SLC25A17: variants seen among roughly 807,000 people sequenced by gnomAD.
SLC25A17 encodes the protein solute carrier family 25 member 17, also known as peroxisomal membrane protein PMP34.
In SLC25A17, 26 loss-of-function variants were observed where a neutral mutation model predicts 38.5. The ratio of observed to expected loss-of-function variants is 0.68; its 90% CI spans 0.50 to 0.94. The LOEUF (loss-of-function observed/expected upper bound fraction) is 0.94. Ranked by LOEUF, SLC25A17 falls within the 40% of genes least tolerant of loss-of-function variation. SLC25A17 has a pLI of 0.00. For synonymous variants in SLC25A17, 139 were observed against 136.2 expected (o/e 1.02, Z -0.14); for missense variants, 333 against 372.7 (o/e 0.89, Z 0.88).
At chr22:40,779,432 G>A in intron 4 of SLC25A17, 1 of 595,782 alleles carries the variant, frequency 1.7e-6, no homozygotes, top group Non-Finnish European at 2.8e-6. Flanking sequence ...TAGCAATTTT[G>A]ATATAGCTTT....
chr22:40,815,034 T>A (rs2057625178), intron 1 of SLC25A17, among the ~76,000 whole-genome samples: 1 of 151,924 alleles, frequency 6.6e-6, no homozygotes, highest in African/African-American at 2.4e-5. Context: ...TTAGTCAGGA[T>A]GGTCTCGATC....
intron 2 of SLC25A17, chr22:40,798,198 T>C (rs1347309493): frequency 6.6e-6 from 1 of 152,368 alleles, no homozygotes; most frequent in African/African-American, 2.4e-5. Context: ...GCTGTTGATA[T>C]GGTCTTGATC....
rs2057172779 is a variant in SLC25A17 at position 40,770,720 on chromosome 22, A to T, written c.*114T>A. 8.7e-7 allele frequency: 1 copy of T among 1,148,868 alleles called. No homozygotes were observed. The highest frequency in any genetic ancestry group is 2.6e-5 in the East Asian group (1 of 39,194). The allele number at this position is 1,148,868 out of a possible 1,614,324, so 71.2% of individuals were successfully genotyped here. A position where few individuals can be genotyped will look rare whatever the true frequency, so the allele number is the denominator to read the frequency against. ...TGCACCCTTGGATGCTTTTCAAGCC[A>T]ATGAGGGTAACATTTGTGGTGGCAG... is the stretch of plus-strand genomic sequence containing the variant. On this transcript the variant is annotated 3_prime_UTR_variant, in exon 9 of 9. Coordinates refer to ENST00000435456, the MANE Select transcript of SLC25A17 (RefSeq NM_006358.4).
At chr22:40,779,321 T>C in intron 4 of SLC25A17, 196 bp from the exon 5 acceptor site, 1 of 1,414,498 alleles carries the variant, frequency 7.1e-7, no homozygotes, top group Non-Finnish European at 9.3e-7. Context: ...GCTTTGCTGA[T>C]AGCAAAATGG....
At chr22:40,785,092 A>G (rs1332639339) in intron 4 of SLC25A17, among the ~76,000 whole-genome samples, 2 of 152,176 alleles carry the variant, frequency 1.3e-5, no homozygotes, top group Admixed American at 6.5e-5. Context: ...TGCTTGATCA[A>G]ACTCTGTTAG....
At chr22:40,800,089 T>C (rs1012307131) in intron 1 of SLC25A17, among the ~76,000 whole-genome samples, 9 of 152,200 alleles carry the variant, frequency 5.9e-5, no homozygotes, top group East Asian at 1.9e-4. Flanking sequence ...GTCTTTGAAA[T>C]AGTAGTTTGC....
In SLC25A17 at chr22:40,789,464, T is replaced by C. The variant is rs557845247; in HGVS notation, c.334+3061A>G. Reference sequence around the variant, plus strand: ...GAGCTGGGTCTCCCAACCATTTTCATTTTCTTTCTTTCCTTCTTTCCCTAC... The same window carrying C: ...GAGCTGGGTCTCCCAACCATTTTCACTTTCTTTCTTTCCTTCTTTCCCTAC... On this transcript the variant is annotated intron_variant, in intron 4 of 8. Coordinates refer to ENST00000435456, the MANE Select transcript of SLC25A17 (RefSeq NM_006358.4). The surrounding 1 kb of genome is among the most constrained non-coding windows in gnomAD (Gnocchi z 4.5). Among the ~76,000 whole-genome samples the C allele has an allele frequency of 6.6e-6, 1 of 152,144 alleles. No homozygotes were observed. Among genetic ancestry groups the C allele is most frequent in the East Asian group, 1.9e-4 (1 of 5,168 alleles).
rs1422674913 is a variant in SLC25A17 at position 40,770,994 on chromosome 22, AGGTTTG to A, written c.777-19_777-14del. ...TATTCCAAAACGTCTAAAGGGAAAG[AGGTTTG>A]AAAAAACAGAAGTCAGCTCCTGCAT... On this transcript the variant is annotated splice_polypyrimidine_tract_variant and intron_variant, in intron 8 of 8. Coordinates refer to ENST00000435456, the MANE Select transcript of SLC25A17 (RefSeq NM_006358.4). 1.9e-6 allele frequency: 3 copies of A among 1,544,998 alleles called. No homozygotes were observed. Among genetic ancestry groups the A allele is most frequent in the Admixed American group, 3.8e-5 (2 of 53,320 alleles).
At chr22:40,795,751 G>A (rs1364298813) in intron 2 of SLC25A17, among the ~76,000 whole-genome samples, 1 of 152,090 alleles carries the variant, frequency 6.6e-6, no homozygotes, top group Non-Finnish European at 1.5e-5. Context: ...AAGGACAGAT[G>A]TGGTCGGCAG....
chr22:40,818,601 G>C (rs2057664830), intron 1 of SLC25A17, among the ~76,000 whole-genome samples: 1 of 151,226 alleles, frequency 6.6e-6, no homozygotes, highest in African/African-American at 2.4e-5. Context: ...AGCTACTCAG[G>C]AAGCTGAGGT....
chr22:40,788,543 T>C (rs768836923), intron 4 of SLC25A17, among the ~76,000 whole-genome samples: 2 of 151,942 alleles, frequency 1.3e-5, no homozygotes, highest in Admixed American at 6.6e-5. Context: ...ATACAAAAAT[T>C]AGCCAGGCGT....
Position 40,788,036 on chromosome 22 carries a change from G to C in SLC25A17, c.334+4489C>G, listed in dbSNP as rs186815746. Reference sequence around the variant, plus strand: ...CTCCCAAAGTGCTGGGATTACAGGCGTGAGCCACTGCACTTGGCCTTAATC... The same window carrying C: ...CTCCCAAAGTGCTGGGATTACAGGCCTGAGCCACTGCACTTGGCCTTAATC... On this transcript the variant is annotated intron_variant, in intron 4 of 8. Transcript: ENST00000435456. 1.2e-3 allele frequency among the ~76,000 whole-genome samples: 187 copies of C among 152,272 alleles called. 1 individual carries two copies. Among genetic ancestry groups the C allele is most frequent in the African/African-American group, 4.4e-3 (183 of 41,560 alleles).
chr22:40,784,006 A>G (rs1303302104), intron 4 of SLC25A17, among the ~76,000 whole-genome samples: 6 of 152,128 alleles, frequency 3.9e-5, no homozygotes, highest in Non-Finnish European at 7.4e-5. Flanking sequence ...CGCCCGGCCA[A>G]TGGTACCTCT....
intron 1 of SLC25A17, among the ~76,000 whole-genome samples, chr22:40,817,699 GT>G (rs1253086446): frequency 1.3e-5 from 2 of 152,098 alleles, no homozygotes; most frequent in Admixed American, 6.5e-5. Context: ...ATAATTGCTT[GT>G]CCCCTGTTCC....
intron 3 of SLC25A17, among the ~76,000 whole-genome samples, chr22:40,794,112 G>C (rs1310454388): frequency 2.0e-5 from 3 of 152,154 alleles, no homozygotes; most frequent in Non-Finnish European, 4.4e-5. Flanking sequence ...ACTAAGTTTA[G>C]TTTTGCAAAT....
intron 8 of SLC25A17, among the ~76,000 whole-genome samples, chr22:40,773,664 G>T (rs567328343): frequency 6.6e-6 from 1 of 152,344 alleles, no homozygotes; most frequent in African/African-American, 2.4e-5. Flanking sequence ...CACTCAGGGT[G>T]ACTGAAGTAT....
intron 1 of SLC25A17, among the ~76,000 whole-genome samples, chr22:40,809,693 C>G (rs2057561640): frequency 6.6e-6 from 1 of 151,836 alleles, no homozygotes; most frequent in Non-Finnish European, 1.5e-5. Context: ...ATTTCTAACA[C>G]AATAATATTG....
In SLC25A17 at chr22:40,814,778, T is replaced by C. The variant is rs1214004482; in HGVS notation, c.54+4417A>G. On this transcript the variant is annotated intron_variant, in intron 1 of 8. Coordinates refer to ENST00000435456, the MANE Select transcript of SLC25A17 (RefSeq NM_006358.4). ...GAATATATATATATATATATATATA[T>C]ATATATATATATTGTTGTTGTTGTT... is the stretch of plus-strand genomic sequence containing the variant. Among the ~76,000 whole-genome samples the C allele has an allele frequency of 6.2e-5, 4 of 64,016 alleles. No individual in the cohort carries two copies. The East Asian group carries it at 1.1e-3, about 17-fold the overall frequency. The allele number at this position is 64,016 out of a possible 152,430, so 42.0% of individuals were successfully genotyped here.
intron 2 of SLC25A17, among the ~76,000 whole-genome samples, chr22:40,795,278 C>A (rs536448948): frequency 6.6e-6 from 1 of 151,898 alleles, no homozygotes; most frequent in Admixed American, 6.6e-5. Context: ...AAGGAAAAGA[C>A]GACAGAAAAC....
Sources: gnomAD v4.1 joint callset for allele counts (sites outside exome capture counted in the v4.1 genomes callset) on GRCh38, gnomAD v4.1.1 for gene constraint, Gnocchi (gnomAD v3.1) non-coding constraint, MANE v1.5 for transcripts, NCBI Gene and HGNC (gene_info 2026-07-23, HGNC 2026-07-21) for gene names.